The following PXK variants were observed in gnomAD, a reference collection of about 807,000 sequenced individuals.
PXK encodes PX domain containing serine/threonine kinase like, also known as PX domain-containing protein kinase-like protein.
A neutral mutation model predicts 84.7 loss-of-function variants in PXK; 35 were observed. The ratio of observed to expected loss-of-function variants is 0.41; its 90% CI spans 0.32 to 0.55. PXK has a LOEUF of 0.55. PXK is among the 20% of genes least tolerant of loss of function. PXK has a pLI of 0.21. For synonymous variants in PXK, 253 were observed against 260.8 expected (o/e 0.97, Z 0.29); for missense variants, 634 against 699.7 (o/e 0.91, Z 1.06).
intron 7 of PXK, among the ~76,000 whole-genome samples, 177 bp downstream of exon 7, chr3:58,392,024 A>G (rs1399076385): frequency 1.3e-5 from 2 of 152,228 alleles, no homozygotes; most frequent in Non-Finnish European, 2.9e-5. Flanking sequence ...AATGGCATTC[A>G]TGACATCTGC....
rs1174817200 is a variant in PXK, at chr3:58,416,039, C to T, written c.1528+3076C>T. Among the ~76,000 whole-genome samples, 1 of 152,084 alleles carries T rather than the reference C, an allele frequency of 6.6e-6. No homozygotes were observed. Among genetic ancestry groups the T allele is most frequent in the African/African-American group, 2.4e-5 (1 of 41,418 alleles). Reference sequence around the variant, plus strand: ...GCTAGGGGGAGTGACTTTCTCCAAGCCTCTCAAGAAGAAACTTAGAACAAA... The same window carrying T: ...GCTAGGGGGAGTGACTTTCTCCAAGTCTCTCAAGAAGAAACTTAGAACAAA... On this transcript the variant is annotated intron_variant, in intron 17 of 17. Transcript: ENST00000356151. The surrounding 1 kb of genome is among the most constrained non-coding windows in gnomAD (Gnocchi z 4.8).
intron 17 of PXK, among the ~76,000 whole-genome samples, chr3:58,418,974 T>C (rs1424240523): frequency 6.6e-6 from 1 of 152,256 alleles, no homozygotes; most frequent in Non-Finnish European, 1.5e-5. Context: ...TTATTTAATA[T>C]GTATACACAG....
In PXK at chr3:58,398,412, GAAAAC is replaced by G. The variant is rs1295548738; in HGVS notation, c.1102+703_1102+707del. Among the ~76,000 whole-genome samples, 1 of 152,112 alleles carries G rather than the reference GAAAAC, an allele frequency of 6.6e-6. No homozygotes were observed. The highest frequency in any genetic ancestry group is 1.5e-5 in the Non-Finnish European group (1 of 68,032). ...GACACAGTAAGACTCTGCCTCAAAC[GAAAAC>G]AAAACAAAACAAGAATGCCATAGGC... On this transcript the variant is annotated intron_variant, in intron 11 of 17. Transcript: ENST00000356151. This position sits in a 1 kb window ranked among gnomAD's most constrained non-coding sequence, Gnocchi z 4.5.
intron 3 of PXK, among the ~76,000 whole-genome samples, chr3:58,373,539 G>T (rs1190329205): frequency 6.6e-6 from 1 of 152,198 alleles, no homozygotes; most frequent in African/African-American, 2.4e-5. Context: ...ACAGCAGGGG[G>T]TTGAGACAAA....
rs2060201499 is a variant in PXK at position 58,411,515 on chromosome 3, A to C, written c.1465+1356A>C. Among the ~76,000 whole-genome samples the C allele has an allele frequency of 6.6e-6, 1 of 152,120 alleles. No individual in the cohort carries two copies. The highest frequency in any genetic ancestry group is 2.1e-4 in the South Asian group (1 of 4,828). ...TTGATGGGAGGGACATGGACCGGTC[A>C]TGGTCATTATTATACTGAGACTCAT... is the stretch of plus-strand genomic sequence containing the variant. On this transcript the variant is annotated intron_variant, in intron 16 of 17. Coordinates refer to ENST00000356151, the MANE Select transcript of PXK (RefSeq NM_017771.5). This position sits in a 1 kb window ranked among gnomAD's most constrained non-coding sequence, Gnocchi z 4.2.
chr3:58,359,210 A>T (rs1437237698), intron 1 of PXK, among the ~76,000 whole-genome samples: 1 of 152,154 alleles, frequency 6.6e-6, no homozygotes, highest in African/African-American at 2.4e-5. Context: ...AGTGCCCAAC[A>T]TTGAGCTGGA....
Position 58,333,104 on chromosome 3 carries a change from C to G in PXK, c.102+14C>G. 1 of 1,116,924 alleles carries G rather than the reference C, an allele frequency of 9.0e-7. No individual in the cohort carries two copies. The highest frequency in any genetic ancestry group is 1.1e-6 in the Non-Finnish European group (1 of 911,026). The allele number at this position is 1,116,924 out of a possible 1,614,324, so 69.2% of individuals were successfully genotyped here. The stretch of plus-strand genomic sequence containing the variant: ...CAGTCCCACACGGTGCGCGGCCCAG[C>G]GGGCGGGCGGGCGGCGTGGGGCGGC... On this transcript the variant is annotated intron_variant, in intron 1 of 17. Coordinates refer to ENST00000356151, the MANE Select transcript of PXK (RefSeq NM_017771.5). This position sits in a 1 kb window ranked among gnomAD's most constrained non-coding sequence, Gnocchi z 5.4.
At chr3:58,420,576 A>C (rs981381694) in intron 17 of PXK, 2 of 1,535,948 alleles carry the variant, frequency 1.3e-6, no homozygotes, top group African/African-American at 2.7e-5. Context: ...TCGGTAAAGT[A>C]AACTATGCTG....
intron 16 of PXK, 67 bp downstream of exon 16, chr3:58,410,226 C>T (rs2060000763): frequency 8.0e-7 from 1 of 1,246,960 alleles, no homozygotes; most frequent in Non-Finnish European, 1.2e-6. Flanking sequence ...TCTAGTTGGT[C>T]AAGAGGTCTT....
intron 17 of PXK, among the ~76,000 whole-genome samples, chr3:58,417,876 C>CT (rs1461778690): frequency 6.6e-6 from 1 of 152,240 alleles, no homozygotes; most frequent in Non-Finnish European, 1.5e-5. Context: ...GGGTCTCTCT[C>CT]TGTCACCTTG....
intron 1 of PXK, among the ~76,000 whole-genome samples, chr3:58,334,761 G>A (rs1377107310): frequency 6.6e-6 from 1 of 152,108 alleles, no homozygotes; most frequent in Non-Finnish European, 1.5e-5. Flanking sequence ...TTTTTGATAG[G>A]ATTTCAAATG....
intron 13 of PXK, among the ~76,000 whole-genome samples, chr3:58,408,185 A>G (rs528781597): frequency 9.9e-5 from 15 of 152,258 alleles, no homozygotes; most frequent in African/African-American, 3.6e-4. Flanking sequence ...GACCATATCC[A>G]CAAGCATTTA....
chr3:58,369,223 C>T (rs577273668), intron 2 of PXK, among the ~76,000 whole-genome samples: 1 of 152,324 alleles, frequency 6.6e-6, no homozygotes, highest in South Asian at 2.1e-4. Context: ...ACCAGTTTCC[C>T]ATGGCCCAGC....
At chr3:58,381,248 CAAAAA>C (rs34425100) in intron 3 of PXK, among the ~76,000 whole-genome samples, 7 of 97,484 alleles carry the variant, frequency 7.2e-5, no homozygotes, top group Admixed American at 1.1e-4. Context: ...GACTCCGTCT[CAAAAA>C]AAAAAAAAAA....
rs2059553966 is a variant in PXK at position 58,407,390 on chromosome 3, T to C, written c.1231-1534T>C. Among the ~76,000 whole-genome samples the C allele has an allele frequency of 6.6e-6, 1 of 152,162 alleles. No individual in the cohort carries two copies. Among genetic ancestry groups the C allele is most frequent in the Admixed American group, 6.6e-5 (1 of 15,266 alleles). On this transcript the variant is annotated intron_variant, in intron 13 of 17. Coordinates refer to ENST00000356151, the MANE Select transcript of PXK (RefSeq NM_017771.5). The surrounding 1 kb of genome is among the most constrained non-coding windows in gnomAD (Gnocchi z 4.3). ...GTCTATGTCTTTTGCCTCTTTTTAATTGGGTTACTTATATTTTGTTGTTGA... is the reference window on the plus strand; with the variant it reads ...GTCTATGTCTTTTGCCTCTTTTTAACTGGGTTACTTATATTTTGTTGTTGA...
intron 5 of PXK, 65 bp from the exon 6 acceptor site, chr3:58,391,082 C>G: frequency 2.6e-6 from 3 of 1,139,298 alleles, no homozygotes; most frequent in Non-Finnish European, 4.0e-6. Context: ...ATTACCTAGT[C>G]AGTGAAACAT....
rs913831374 is a variant in PXK, at chr3:58,409,604, A to G, written c.1381A>G (p.Ile461Val). Reference protein sequence around the residue: ...GSEEERKKRKILARKKSKRSA... With the variant: ...GSEEERKKRKVLARKKSKRSA... Reference sequence around the variant, plus strand: ...TGAGGAGGAAAGAAAAAAAAGAAAGATTTTAGCTCGAAAGGTAAGCCTGCT... The same window carrying G: ...TGAGGAGGAAAGAAAAAAAAGAAAGGTTTTAGCTCGAAAGGTAAGCCTGCT... Residue 461 changes from isoleucine (I) to valine (V), a missense_variant, in exon 15 of 18, where the codon ATT becomes GTT. Coordinates refer to ENST00000356151, the MANE Select transcript of PXK (RefSeq NM_017771.5). The surrounding 1 kb of genome is among the most constrained non-coding windows in gnomAD (Gnocchi z 4.2). 45 of 1,612,046 alleles carry G rather than the reference A, an allele frequency of 2.8e-5. No individual in the cohort carries two copies. The highest frequency in any genetic ancestry group is 3.6e-5 in the Non-Finnish European group (43 of 1,179,350).
chr3:58,342,064 TG>T lies in PXK; in HGVS notation c.102+8975del, dbSNP rs1233083327. On this transcript the variant is annotated intron_variant, in intron 1 of 17. Coordinates refer to ENST00000356151, the MANE Select transcript of PXK (RefSeq NM_017771.5). ...CATCACCCTGTTTTATAACTCAGAA[TG>T]TTTTTTTTTTAAACCTACAAGGCTA... Among the ~76,000 whole-genome samples, 195 of 147,482 alleles carry T rather than the reference TG, an allele frequency of 1.3e-3. 4 individuals are homozygous for T. Among genetic ancestry groups the T allele is most frequent in the Admixed American group, 0.013 (194 of 15,080 alleles).
chr3:58,367,810 G>A (rs2098297432), intron 2 of PXK, among the ~76,000 whole-genome samples: 1 of 152,150 alleles, frequency 6.6e-6, no homozygotes, highest in East Asian at 1.9e-4. Context: ...AGCCTCCTGA[G>A]TAGCTGGAAC....
Sources: gnomAD v4.1 joint callset for allele counts (sites outside exome capture counted in the v4.1 genomes callset) on GRCh38, gnomAD v4.1.1 for gene constraint, Gnocchi (gnomAD v3.1) non-coding constraint, MANE v1.5 for transcripts, NCBI Gene and HGNC (gene_info 2026-07-23, HGNC 2026-07-21) for gene names.